HMCN2: variants seen among roughly 807,000 people sequenced by gnomAD.
HMCN2 encodes hemicentin-2.
In HMCN2, 325 loss-of-function variants were observed where a neutral mutation model predicts 377.5. That is an observed-to-expected ratio of 0.86 (90% CI 0.79 to 0.94). HMCN2 has a LOEUF of 0.94. Among genes scored for constraint, HMCN2 ranks in the 40% least tolerant of loss-of-function variants. HMCN2 has a pLI of 0.00. For synonymous variants in HMCN2, 2,007 were observed against 2,046.8 expected, an observed-to-expected ratio of 0.98 and a Z score of 0.53; for missense variants, 4,543 against 4,725.3, an observed-to-expected ratio of 0.96 and a Z score of 1.13.
Position 130,428,249 on chromosome 9 carries a change from C to T in HMCN2, c.14066-109C>T. 7.6e-7 allele frequency: 1 copy of T among 1,323,632 alleles called. No individual in the cohort carries two copies. Among genetic ancestry groups the T allele is most frequent in the Non-Finnish European group, 1.0e-6 (1 of 997,546 alleles). 82.0% of individuals were successfully genotyped at this position (1,323,632 alleles called of 1,614,324 possible). On this transcript the variant is annotated intron_variant, in intron 92 of 97. Transcript: ENST00000683500. This position sits in a 1 kb window ranked among gnomAD's most constrained non-coding sequence, Gnocchi z 5.0. ...GGGGTGGGGACCTTCCTGCCAGTGG[C>T]TCCTGGGCCTGCGGACGAAGCCTCT...
At position 130,306,799 on chromosome 9, in the gene HMCN2, G is replaced by C; in HGVS notation, c.1959-12G>C. 1 of 459,212 alleles carries C rather than the reference G, an allele frequency of 2.2e-6. No individual in the cohort carries two copies. The highest frequency in any genetic ancestry group is 4.6e-6 in the Non-Finnish European group (1 of 219,160). 28.4% of individuals were successfully genotyped at this position (459,212 alleles called of 1,614,324 possible). ...TTTTGTGACCCGATGTGTTTCTATG[G>C]CATGATTCTAGAATCCATGTGGACG... is the stretch of plus-strand genomic sequence containing the variant. On this transcript the variant is annotated splice_polypyrimidine_tract_variant and intron_variant, in intron 12 of 97. Coordinates refer to ENST00000683500, the MANE Select transcript of HMCN2 (RefSeq NM_001291815.2).
At chr9:130,323,683 T>C (rs1425246552) in intron 19 of HMCN2, among the ~76,000 whole-genome samples, 5 of 151,736 alleles carry the variant, frequency 3.3e-5, no homozygotes, top group African/African-American at 7.3e-5. Context: ...TATTCTCCCA[T>C]TGAAAGCTTT....
intron 43 of HMCN2, among the ~76,000 whole-genome samples, chr9:130,367,488 C>T (rs1424890515): frequency 6.6e-6 from 1 of 152,120 alleles, no homozygotes; most frequent in African/African-American, 2.4e-5. Flanking sequence ...TCCAGTAGGT[C>T]GAGGTTGACA....
chr9:130,348,812 C>T (rs942393202), intron 27 of HMCN2, 137 bp downstream of exon 27: 24 of 1,233,326 alleles, frequency 1.9e-5, no homozygotes, highest in Middle Eastern at 5.2e-4. Context: ...CTGGGGTTCA[C>T]GGCAGTGGAG....
At chr9:130,295,167 C>G in intron 5 of HMCN2, 141 bp downstream of exon 5, 1 of 281,170 alleles carries the variant, frequency 3.6e-6, no homozygotes, top group Non-Finnish European at 7.2e-6. Context: ...GTGGGGGGGA[C>G]ACGAAGTGGA....
At chr9:130,403,695 C>T (rs964686392) in intron 79 of HMCN2, 46 bp from the exon 80 acceptor site, 11 of 1,282,410 alleles carry the variant, frequency 8.6e-6, no homozygotes, top group Admixed American at 2.3e-5. Context: ...CTCGGGGGTC[C>T]CCAGTCCCAG....
At chr9:130,395,774 G>A (rs1417932348) in intron 71 of HMCN2, 150 bp from the exon 72 acceptor site, 8 of 758,940 alleles carry the variant, frequency 1.1e-5, no homozygotes, top group South Asian at 1.8e-5. Context: ...GAGGGTCCTC[G>A]GCGGGGCACA....
chr9:130,391,593 T>C lies in HMCN2; in HGVS notation c.9952+19T>C. The C allele has an allele frequency of 1.0e-6, 1 of 986,466 alleles. No homozygotes were observed. The highest frequency in any genetic ancestry group is 1.2e-6 in the Non-Finnish European group (1 of 830,114). The allele number at this position is 986,466 out of a possible 1,614,324, so 61.1% of individuals were successfully genotyped here. On this transcript the variant is annotated intron_variant, in intron 65 of 97. Transcript: ENST00000683500. ...GTGCTGGGTGAGGAGCCCCAGGGCA[T>C]CTGGAGGGTGATGCGTGGGCCTGGG... is the stretch of plus-strand genomic sequence containing the variant.
At chr9:130,316,549 C>T (rs1367182613) in intron 15 of HMCN2, among the ~76,000 whole-genome samples, 1 of 152,168 alleles carries the variant, frequency 6.6e-6, no homozygotes, top group African/African-American at 2.4e-5. Flanking sequence ...TAGGCTCCCC[C>T]ACTTAGAGCC....
chr9:130,391,853 C>T, intron 65 of HMCN2, 82 bp from the exon 66 acceptor site: 2 of 840,356 alleles, frequency 2.4e-6, no homozygotes, highest in Non-Finnish European at 2.9e-6. Flanking sequence ...GTCCAGGTCT[C>T]CACTTCTGGG....
At chr9:130,375,109 A>T (rs1302674837) in intron 49 of HMCN2, among the ~76,000 whole-genome samples, 1 of 152,228 alleles carries the variant, frequency 6.6e-6, no homozygotes, top group African/African-American at 2.4e-5. Flanking sequence ...AGACCAGCTT[A>T]GAAAAATCTG....
At chr9:130,433,193 G>T (rs1844866407) in intron 97 of HMCN2, 155 bp from the exon 98 acceptor site, 4 of 556,572 alleles carry the variant, frequency 7.2e-6, no homozygotes, top group Non-Finnish European at 1.2e-5. Flanking sequence ...TAGCGTGGGA[G>T]CCTGCAGAGA....
intron 15 of HMCN2, among the ~76,000 whole-genome samples, chr9:130,310,555 C>A (rs1484260573): frequency 6.6e-6 from 1 of 152,156 alleles, no homozygotes; most frequent in Non-Finnish European, 1.5e-5. Context: ...TTTGGTCCCA[C>A]AGAGCAACCC....
rs1315751893 is a variant in HMCN2 at position 130,308,506 on chromosome 9, G to A, written c.2200+940G>A. 6.6e-6 allele frequency among the ~76,000 whole-genome samples: 1 copy of A among 152,132 alleles called. No homozygotes were observed. The highest frequency in any genetic ancestry group is 1.5e-5 in the Non-Finnish European group (1 of 68,034). On this transcript the variant is annotated intron_variant, in intron 14 of 97. Transcript: ENST00000683500. This position sits in a 1 kb window ranked among gnomAD's most constrained non-coding sequence, Gnocchi z 4.1. Reference sequence around the variant, plus strand: ...TGGGCTCCCTCTCGAGGGTCAACCGGGGTCAGCAATACTGTCCCCTCCCAT... The same window carrying A: ...TGGGCTCCCTCTCGAGGGTCAACCGAGGTCAGCAATACTGTCCCCTCCCAT...
intron 85 of HMCN2, among the ~76,000 whole-genome samples, chr9:130,411,891 A>G (rs1843436927): frequency 6.7e-6 from 1 of 150,268 alleles, no homozygotes; most frequent in African/African-American, 2.5e-5. Context: ...TACAATGTCA[A>G]ATACTCAACA....
chr9:130,315,687 T>C (rs1837529307), intron 15 of HMCN2, among the ~76,000 whole-genome samples: 1 of 151,826 alleles, frequency 6.6e-6, no homozygotes, highest in Non-Finnish European at 1.5e-5. Context: ...GCTTAAACAG[T>C]AGACACTCCT....
intron 22 of HMCN2, among the ~76,000 whole-genome samples, chr9:130,333,523 T>C (rs1838540771): frequency 6.6e-6 from 1 of 152,052 alleles, no homozygotes; most frequent in African/African-American, 2.4e-5. Flanking sequence ...AACAGGAAAT[T>C]CCCCTCAAAC....
intron 4 of HMCN2, among the ~76,000 whole-genome samples, chr9:130,290,451 T>C (rs927196182): frequency 3.3e-5 from 5 of 152,214 alleles, no homozygotes; most frequent in African/African-American, 7.2e-5. Flanking sequence ...GTAGCGGGTG[T>C]CACTCCTCTG....
At chr9:130,377,024 C>A (rs1257009333) in intron 52 of HMCN2, among the ~76,000 whole-genome samples, 1 of 152,114 alleles carries the variant, frequency 6.6e-6, no homozygotes, top group East Asian at 1.9e-4. Flanking sequence ...GTCTCGCACT[C>A]CTGACCTCAG....
Sources: gnomAD v4.1 joint callset for allele counts (sites outside exome capture counted in the v4.1 genomes callset) on GRCh38, gnomAD v4.1.1 for gene constraint, Gnocchi (gnomAD v3.1) non-coding constraint, MANE v1.5 for transcripts, NCBI Gene and HGNC (gene_info 2026-07-23, HGNC 2026-07-21) for gene names.